The following DLC1 variants were observed in gnomAD, a reference collection of about 807,000 sequenced individuals.
DLC1 encodes the protein rho GTPase-activating protein 7.
DLC1 carries 54 observed loss-of-function variants against 140.3 expected under a neutral mutation model. The observed-to-expected ratio is 0.38, with a 90% CI of 0.31 to 0.48. The LOEUF is 0.48. Among genes scored for constraint, DLC1 ranks in the 20% least tolerant of loss-of-function variants. DLC1 has a pLI of 0.96. For synonymous variants in DLC1, 986 were observed against 728.1 expected (o/e 1.35, Z -5.70); for missense variants, 2,536 against 1,907.0 (o/e 1.33, Z -6.14).
intron 1 of DLC1, among the ~76,000 whole-genome samples, chr8:13,579,315 TTATATA>T (rs369773134): frequency 3.9e-3 from 41 of 10,648 alleles, no homozygotes; most frequent in Non-Finnish European, 4.3e-3. Context: ...AGGTCTGACT[TTATATA>T]TATATATATA....
intron 2 of DLC1, among the ~76,000 whole-genome samples, chr8:13,438,038 C>A (rs1212541694): frequency 2.1e-5 from 3 of 146,234 alleles, no homozygotes; most frequent in South Asian, 2.2e-4. Flanking sequence ...TTTTTTTTTA[C>A]AGTACCATAC....
chr8:13,350,935 T>C (rs895899924), intron 4 of DLC1, among the ~76,000 whole-genome samples: 16 of 151,898 alleles, frequency 1.1e-4, no homozygotes, highest in Middle Eastern at 3.4e-3. Flanking sequence ...AATATATTTA[T>C]ATTTTTAAAC....
intron 4 of DLC1, among the ~76,000 whole-genome samples, chr8:13,372,270 G>C: frequency 6.6e-6 from 1 of 152,176 alleles, no homozygotes; most frequent in East Asian, 1.9e-4. Flanking sequence ...AGAAAATCAC[G>C]AGCCAAAGGT....
chr8:13,459,349 G>A (rs1262428072), intron 2 of DLC1, among the ~76,000 whole-genome samples: 3 of 152,086 alleles, frequency 2.0e-5, no homozygotes, highest in Non-Finnish European at 4.4e-5. Flanking sequence ...TCAGAAGGTG[G>A]TCTTTTCAAA....
chr8:13,190,421 C>A (rs561552380), intron 5 of DLC1, among the ~76,000 whole-genome samples: 8 of 152,228 alleles, frequency 5.3e-5, no homozygotes, highest in South Asian at 2.1e-4. Context: ...GGTGTCAATG[C>A]CACATAATAA....
At chr8:13,087,710 A>T (rs1256698290) in intron 16 of DLC1, among the ~76,000 whole-genome samples, 3 of 152,238 alleles carry the variant, frequency 2.0e-5, no homozygotes, top group Admixed American at 6.5e-5. Flanking sequence ...AGACACCTAA[A>T]GGAGCGCTGG....
intron 1 of DLC1, among the ~76,000 whole-genome samples, chr8:13,583,253 C>G (rs932813221): frequency 1.3e-5 from 2 of 152,192 alleles, no homozygotes; most frequent in South Asian, 4.1e-4. Flanking sequence ...TCAATTCTCT[C>G]AAACTGTGCA....
intron 1 of DLC1, among the ~76,000 whole-genome samples, chr8:13,569,776 C>T (rs1195126477): frequency 6.6e-6 from 1 of 152,212 alleles, no homozygotes; most frequent in African/African-American, 2.4e-5. Flanking sequence ...GGCTGGAATG[C>T]AGTGGTGCAA....
At chr8:13,267,099 A>C (rs1830717953) in intron 5 of DLC1, among the ~76,000 whole-genome samples, 1 of 152,256 alleles carries the variant, frequency 6.6e-6, no homozygotes, top group Admixed American at 6.5e-5. Context: ...GTAACAGCAC[A>C]AAAGAAAGAT....
chr8:13,241,119 A>T (rs146790941), intron 5 of DLC1, among the ~76,000 whole-genome samples: 5 of 152,348 alleles, frequency 3.3e-5, no homozygotes, highest in African/African-American at 7.2e-5. Context: ...CATGGACTCA[A>T]GGTCTATCTG....
chr8:13,374,308 T>A (rs537631910), intron 4 of DLC1, among the ~76,000 whole-genome samples: 2 of 106,964 alleles, frequency 1.9e-5, no homozygotes, highest in South Asian at 5.4e-4. Context: ...AAATTCTTTT[T>A]TTTTAATGTA....
At chr8:13,528,022 A>G (rs1802975025) in intron 1 of DLC1, among the ~76,000 whole-genome samples, 1 of 152,134 alleles carries the variant, frequency 6.6e-6, no homozygotes, top group Non-Finnish European at 1.5e-5. Flanking sequence ...TTTAAGTGTA[A>G]ACATGTTGGT....
At chr8:13,135,593 A>G (rs1306176323) in intron 5 of DLC1, among the ~76,000 whole-genome samples, 1 of 152,216 alleles carries the variant, frequency 6.6e-6, no homozygotes, top group East Asian at 1.9e-4. Flanking sequence ...CACCTTCGAA[A>G]CATACTAATT....
intron 5 of DLC1, among the ~76,000 whole-genome samples, chr8:13,210,991 A>G (rs1185342890): frequency 2.0e-5 from 3 of 152,124 alleles, no homozygotes; most frequent in Non-Finnish European, 4.4e-5. Context: ...ACAAATAAAT[A>G]ATGGGGGTGA....
Position 13,088,545 on chromosome 8 carries a change from A to G in DLC1, c.4234T>C (p.Tyr1412His), listed in dbSNP as rs1817764396. ...GCCATACTGTTTTGGACATACTGGT[A>G]AATTTCAGTTTGGCTGTCCAGAATT... ...IEILDSQTEI[Y>H]QYVQNSMAPH... Residue 1412 changes from tyrosine (Y) to histidine (H), a missense_variant, in exon 16 of 18, where the codon TAC becomes CAC. Tyr to His is a moderately conservative substitution (Grantham distance 83, BLOSUM62 2). Coordinates refer to ENST00000276297, the MANE Select transcript of DLC1 (RefSeq NM_182643.3). 1.2e-6 allele frequency: 2 copies of G among 1,614,200 alleles called. No homozygotes were observed. Among genetic ancestry groups the G allele is most frequent in the Non-Finnish European group, 1.7e-6 (2 of 1,180,028 alleles).
intron 5 of DLC1, among the ~76,000 whole-genome samples, chr8:13,145,924 C>A (rs959537516): frequency 6.6e-6 from 1 of 151,976 alleles, no homozygotes; most frequent in Non-Finnish European, 1.5e-5. Flanking sequence ...TTCTTCATTG[C>A]GTGGTGGGTT....
At chr8:13,481,975 G>T (rs1800759920) in intron 2 of DLC1, among the ~76,000 whole-genome samples, 1 of 152,306 alleles carries the variant, frequency 6.6e-6, no homozygotes, top group South Asian at 2.1e-4. Flanking sequence ...AAGATTAGCA[G>T]CAAAGCACCA....
chr8:13,389,323 C>G (rs17216180), intron 4 of DLC1, among the ~76,000 whole-genome samples: 16,307 of 152,070 alleles, frequency 0.11, 1,076 homozygotes, highest in Non-Finnish European at 0.15. Flanking sequence ...AGGAACAACT[C>G]AAGCCACTGA....
intron 2 of DLC1, among the ~76,000 whole-genome samples, chr8:13,464,407 C>G (rs1467200753): frequency 6.6e-6 from 1 of 152,104 alleles, no homozygotes; most frequent in Non-Finnish European, 1.5e-5. Flanking sequence ...TCAAAAATAA[C>G]AATTTAAAGA....
Sources: allele counts gnomAD v4.1 joint callset (sites outside exome capture counted in the v4.1 genomes callset), GRCh38; gene constraint gnomAD v4.1.1; transcripts MANE v1.5; gene names NCBI Gene and HGNC (gene_info 2026-07-23, HGNC 2026-07-21).